The following RBKS variants were observed in gnomAD, a reference collection of about 807,000 sequenced individuals.
RBKS encodes the protein ribokinase.
In RBKS, 33 loss-of-function variants were observed where a neutral mutation model predicts 33.9. That is an observed-to-expected ratio of 0.97 (90% CI 0.74 to 1.30). RBKS has a LOEUF of 1.30. Among genes scored for constraint, RBKS ranks in the 50% most tolerant of loss-of-function variants. The pLI, the probability that RBKS is intolerant of heterozygous loss-of-function variation, is 0.00. For synonymous variants in RBKS, 125 were observed against 143.0 expected, an observed-to-expected ratio of 0.87 and a Z score of 0.90; for missense variants, 361 against 392.6, an observed-to-expected ratio of 0.92 and a Z score of 0.68.
chr2:27,819,393 A>C (rs926492140), intron 7 of RBKS, among the ~76,000 whole-genome samples: 1 of 152,164 alleles, frequency 6.6e-6, no homozygotes, highest in African/African-American at 2.4e-5. Context: ...CCTATCTCCA[A>C]ATACAGTCAC....
chr2:27,812,347 T>C (rs1678001998), intron 7 of RBKS, among the ~76,000 whole-genome samples: 1 of 152,186 alleles, frequency 6.6e-6, no homozygotes, highest in African/African-American at 2.4e-5. Context: ...GACCCAGCCA[T>C]CCCATTACTG....
chr2:27,882,191 C>T (rs1664430625), intron 1 of RBKS, among the ~76,000 whole-genome samples: 1 of 152,000 alleles, frequency 6.6e-6, no homozygotes, highest in African/African-American at 2.4e-5. Context: ...GTCTAATATT[C>T]AGCACCTAAA....
chr2:27,860,974 TC>T (rs1188241478), intron 1 of RBKS, among the ~76,000 whole-genome samples: 7 of 135,036 alleles, frequency 5.2e-5, no homozygotes, highest in East Asian at 3.4e-4. Flanking sequence ...TCTCTTTCTC[TC>T]TTTTTTTTTT....
intron 1 of RBKS, among the ~76,000 whole-genome samples, chr2:27,883,199 T>C (rs1240818704): frequency 6.6e-6 from 1 of 150,630 alleles, no homozygotes; most frequent in African/African-American, 2.5e-5. Context: ...ACTGCAGTAT[T>C]CTTTTTTTTT....
chr2:27,832,004 T>C, intron 6 of RBKS, among the ~76,000 whole-genome samples: 1 of 152,228 alleles, frequency 6.6e-6, no homozygotes, highest in East Asian at 1.9e-4. Context: ...TGCATCCCAT[T>C]GATGGGCGAG....
chr2:27,821,749 G>A (rs2148199577), intron 7 of RBKS, among the ~76,000 whole-genome samples: 1 of 152,298 alleles, frequency 6.6e-6, no homozygotes, highest in Non-Finnish European at 1.5e-5. Context: ...AATAGAGTAA[G>A]TCTCCTAAAG....
At chr2:27,843,397 A>G (rs111341294) in intron 4 of RBKS, among the ~76,000 whole-genome samples, 166 bp from the exon 5 acceptor site, 22 of 152,330 alleles carry the variant, frequency 1.4e-4, no homozygotes, top group African/African-American at 5.3e-4. Context: ...TGAGTTCCAA[A>G]TGTATCTTTT....
At chr2:27,840,965 T>A (rs1168460487) in intron 5 of RBKS, among the ~76,000 whole-genome samples, 1 of 152,200 alleles carries the variant, frequency 6.6e-6, no homozygotes, top group Non-Finnish European at 1.5e-5. Context: ...ATGGTATTAC[T>A]ATTTCTGCTA....
chr2:27,858,648 G>A (rs1663909715), intron 1 of RBKS, 77 bp from the exon 2 acceptor site: 1 of 1,314,860 alleles, frequency 7.6e-7, no homozygotes, highest in African/African-American at 1.5e-5. Context: ...AGAGAGGGAA[G>A]GCTATATGGT....
At chr2:27,819,895 A>G (rs1678164212) in intron 7 of RBKS, among the ~76,000 whole-genome samples, 1 of 152,236 alleles carries the variant, frequency 6.6e-6, no homozygotes, top group Admixed American at 6.5e-5. Flanking sequence ...AAACCTGTCA[A>G]AGTATATAAC....
intron 7 of RBKS, among the ~76,000 whole-genome samples, chr2:27,812,891 G>GA (rs962953020): frequency 8.4e-5 from 12 of 143,692 alleles, no homozygotes; most frequent in South Asian, 2.2e-4. Context: ...AAAGTGCTTA[G>GA]AAAAAAAAAA....
intron 1 of RBKS, among the ~76,000 whole-genome samples, chr2:27,867,069 A>G (rs948243519): frequency 6.7e-6 from 1 of 148,178 alleles, no homozygotes; most frequent in Non-Finnish European, 1.5e-5. Context: ...GCACCACTGC[A>G]CTCCAGCCTG....
chr2:27,887,860 C>T (rs1256644340), intron 1 of RBKS, among the ~76,000 whole-genome samples: 2 of 152,112 alleles, frequency 1.3e-5, no homozygotes, highest in Admixed American at 6.5e-5. Flanking sequence ...CTTCTCTGGG[C>T]TTCAGTTTAT....
Position 27,890,250 on chromosome 2 carries a change from G to A in RBKS, c.89+7C>T. ...GCCGCAGACTGAGTAACTGGCCCCG[G>A]ACTAACCTGACCAGGTCGGTCATGC... On this transcript the variant is annotated splice_region_variant and intron_variant, in intron 1 of 7. Coordinates refer to ENST00000302188, the MANE Select transcript of RBKS (RefSeq NM_022128.3). The surrounding 1 kb of genome is among the most constrained non-coding windows in gnomAD (Gnocchi z 4.8). 1 of 1,613,062 alleles carries A rather than the reference G, an allele frequency of 6.2e-7. No homozygotes were observed. Among genetic ancestry groups the A allele is most frequent in the Non-Finnish European group, 8.5e-7 (1 of 1,179,746 alleles).
intron 1 of RBKS, among the ~76,000 whole-genome samples, chr2:27,863,316 G>A (rs1444611598): frequency 1.3e-5 from 2 of 152,230 alleles, no homozygotes; most frequent in African/African-American, 4.8e-5. Context: ...TAGAGCCTGG[G>A]TGTGCCAGGC....
intron 7 of RBKS, among the ~76,000 whole-genome samples, chr2:27,825,911 A>G (rs1678302119): frequency 6.6e-6 from 1 of 152,224 alleles, no homozygotes; most frequent in Admixed American, 6.5e-5. Flanking sequence ...TCTTTGAGGA[A>G]TCCTCATTTT....
chr2:27,810,109 G>A lies in RBKS; in HGVS notation c.795+17458C>T. 8 of 1,300,994 alleles carry A rather than the reference G, an allele frequency of 6.1e-6. No individual in the cohort carries two copies. The highest frequency in any genetic ancestry group is 8.1e-6 in the Non-Finnish European group (8 of 987,682). 80.6% of individuals were successfully genotyped at this position (1,300,994 alleles called of 1,614,324 possible). A position where few individuals can be genotyped will look rare whatever the true frequency, so the allele number is the denominator to read the frequency against. ...GAATCTAACTGCATTGAAAGCTGGT[G>A]TGGATGATTCACAACCAACTGTGTA... On this transcript the variant is annotated intron_variant, in intron 7 of 7. Coordinates refer to ENST00000302188, the MANE Select transcript of RBKS (RefSeq NM_022128.3). The surrounding 1 kb of genome is among the most constrained non-coding windows in gnomAD (Gnocchi z 4.4).
intron 7 of RBKS, among the ~76,000 whole-genome samples, chr2:27,807,330 ATTAATAG>A (rs1267136889): frequency 6.6e-6 from 1 of 152,194 alleles, no homozygotes. Context: ...TTAAGGAGGG[ATTAATAG>A]TGATTTACAA....
chr2:27,874,419 C>T (rs879911686), intron 1 of RBKS, among the ~76,000 whole-genome samples: 4 of 152,170 alleles, frequency 2.6e-5, no homozygotes, highest in Admixed American at 1.3e-4. Flanking sequence ...GAAGGTGCAG[C>T]CACTCAACTA....
Sources: gnomAD v4.1 joint callset for allele counts (sites outside exome capture counted in the v4.1 genomes callset) on GRCh38, gnomAD v4.1.1 for gene constraint, Gnocchi (gnomAD v3.1) non-coding constraint, MANE v1.5 for transcripts, NCBI Gene and HGNC (gene_info 2026-07-23, HGNC 2026-07-21) for gene names.